SULT2B1: variants seen among roughly 807,000 people sequenced by gnomAD.
The protein encoded by SULT2B1 is sulfotransferase 2B1.
Under a neutral mutation model 33.2 loss-of-function variants are expected in SULT2B1, and 16 were observed. The observed-to-expected ratio is 0.48, with a 90% CI of 0.33 to 0.73. The LOEUF is 0.73. SULT2B1 is among the 30% of genes least tolerant of loss of function. The probability of loss-of-function intolerance (pLI) is 0.02; values close to 1 mark genes in which losing one functional copy is unlikely to be tolerated. For missense variants in SULT2B1, 500 were observed against 506.0 expected, an observed-to-expected ratio of 0.99 and a Z score of 0.11; for synonymous variants, 186 against 200.5, an observed-to-expected ratio of 0.93 and a Z score of 0.61.
chr19:48,589,044 G>A (rs931986527), intron 3 of SULT2B1, among the ~76,000 whole-genome samples: 3 of 152,218 alleles, frequency 2.0e-5, no homozygotes, highest in Middle Eastern at 3.2e-3. Context: ...GAGCCCGAGC[G>A]GGCTTAGGCT....
intron 2 of SULT2B1, among the ~76,000 whole-genome samples, chr19:48,586,976 G>A (rs1200392895): frequency 2.0e-5 from 3 of 152,056 alleles, no homozygotes; most frequent in Non-Finnish European, 2.9e-5. Context: ...CAGGCGTGGT[G>A]GTGGGCGCTT....
chr19:48,565,840 C>A (rs1215886498), intron 1 of SULT2B1, among the ~76,000 whole-genome samples: 1 of 152,056 alleles, frequency 6.6e-6, no homozygotes, highest in African/African-American at 2.4e-5. Context: ...AAGCCTCGAC[C>A]TCCCCAGCTC....
At chr19:48,590,006 T>C (rs1249149073) in intron 3 of SULT2B1, among the ~76,000 whole-genome samples, 1 of 151,762 alleles carries the variant, frequency 6.6e-6, no homozygotes, top group Non-Finnish European at 1.5e-5. Context: ...TGAGACAGAG[T>C]TTCCCTCTTG....
chr19:48,591,567 G>A lies in SULT2B1; in HGVS notation c.424-42G>A, dbSNP rs775365149. 6 of 1,585,790 alleles carry A rather than the reference G, an allele frequency of 3.8e-6. No individual in the cohort carries two copies. The African/African-American group carries it at 5.4e-5, about 14-fold the overall frequency. The stretch of plus-strand genomic sequence containing the variant: ...GGCCTCAGGGGCTGGGGTCTTGCCT[G>A]TGTCTGACGCCTTCTCCCCTCTCCT... On this transcript the variant is annotated intron_variant, in intron 3 of 6. Coordinates refer to ENST00000201586, the MANE Select transcript of SULT2B1 (RefSeq NM_177973.2).
In SULT2B1 at chr19:48,596,934, G is replaced by A. The variant is rs1225436544; in HGVS notation, c.826+15G>A. ...CCTCCGGAAAGGTGCGGGGGTTCTG[G>A]GGTTCAGAGCCCACTAGGCCACTGC... On this transcript the variant is annotated intron_variant, in intron 6 of 6. Coordinates refer to ENST00000201586, the MANE Select transcript of SULT2B1 (RefSeq NM_177973.2). The A allele has an allele frequency of 6.4e-7, 1 of 1,566,846 alleles. No homozygotes were observed. The highest frequency in any genetic ancestry group is 1.2e-5 in the South Asian group (1 of 86,830).
intron 2 of SULT2B1, among the ~76,000 whole-genome samples, chr19:48,585,731 A>G (rs1257122808): frequency 6.6e-6 from 1 of 152,144 alleles, no homozygotes; most frequent in African/African-American, 2.4e-5. Context: ...CTAATGTTAA[A>G]TGATGAGTTA....
At chr19:48,569,375 T>A (rs1453100906) in intron 1 of SULT2B1, among the ~76,000 whole-genome samples, 164 of 15,332 alleles carry the variant, frequency 0.011, 1 homozygote, top group South Asian at 0.056. Context: ...TATATATATA[T>A]ATATATATAT....
At chr19:48,576,118 A>G in intron 2 of SULT2B1, 35 bp downstream of exon 2, 1 of 1,337,382 alleles carries the variant, frequency 7.5e-7, no homozygotes, top group Non-Finnish European at 1.1e-6. Context: ...GGGGCTGGGG[A>G]GAGTGGGGAG....
intron 2 of SULT2B1, among the ~76,000 whole-genome samples, chr19:48,576,921 A>C (rs1030793946): frequency 6.6e-6 from 1 of 151,002 alleles, no homozygotes; most frequent in Admixed American, 6.6e-5. Context: ...GATTACAGGC[A>C]TGAGCCACCG....
intron 1 of SULT2B1, among the ~76,000 whole-genome samples, chr19:48,564,202 C>T: frequency 6.7e-6 from 1 of 149,564 alleles, no homozygotes; most frequent in East Asian, 2.0e-4. Context: ...GCCGAGATAG[C>T]ACCACTGCAC....
rs1238766670 is a variant in SULT2B1 at position 48,599,340 on chromosome 19, A to C, written c.1032A>C (p.Arg344Ser). The change falls in exon 7 of 7, where the codon AGA (arginine) becomes AGC (serine). Residue 344 changes from arginine (R) to serine (S), a missense_variant. Arg to Ser is a moderately radical substitution (Grantham distance 110). Transcript: ENST00000201586. This position sits in a 1 kb window ranked among gnomAD's most constrained non-coding sequence, Gnocchi z 4.1. The part of the protein sequence containing the change: ...EPNTSLEREP[R>S]PNSSPSPSPG... The stretch of plus-strand genomic sequence containing the variant: ...ACACCAGCCTGGAGCGTGAGCCCAG[A>C]CCCAACTCCAGCCCCAGCCCCAGCC... 6.3e-7 allele frequency: 1 copy of C among 1,590,804 alleles called. No individual in the cohort carries two copies. The highest frequency in any genetic ancestry group is 1.8e-5 in the Admixed American group (1 of 56,492).
chr19:48,562,181 G>A (rs2147599771), intron 1 of SULT2B1, among the ~76,000 whole-genome samples: 1 of 152,214 alleles, frequency 6.6e-6, no homozygotes, highest in East Asian at 1.9e-4. Flanking sequence ...GAGGTTAGGA[G>A]TTCAAGGCCA....
chr19:48,575,931 C>T lies in SULT2B1; in HGVS notation c.72-10C>T. On this transcript the variant is annotated splice_polypyrimidine_tract_variant and intron_variant, in intron 1 of 6. Transcript: ENST00000201586. The stretch of plus-strand genomic sequence containing the variant: ...CTCTCCCTCATGGCGTCTCCCCCAC[C>T]TTTCCACAGCCAGAAGTTGCCAGGT... The T allele has an allele frequency of 6.2e-7, 1 of 1,609,880 alleles. No individual in the cohort carries two copies. Among genetic ancestry groups the T allele is most frequent in the Non-Finnish European group, 8.5e-7 (1 of 1,176,580 alleles).
chr19:48,571,138 A>G (rs1347299860), intron 1 of SULT2B1, among the ~76,000 whole-genome samples: 1 of 151,984 alleles, frequency 6.6e-6, no homozygotes, highest in African/African-American at 2.4e-5. Context: ...TTCCCACCTC[A>G]GCTTCCTGAG....
rs191475271 is a variant in SULT2B1 at position 48,566,127 on chromosome 19, G to C, written c.72-9814G>C. 1.9e-3 allele frequency among the ~76,000 whole-genome samples: 291 copies of C among 152,102 alleles called. 1 individual carries two copies. The highest frequency in any genetic ancestry group is 2.9e-3 in the Non-Finnish European group (198 of 67,990). ...GGGTTTCACTCTGTTGGCCAGGCTG[G>C]TCTCAAACTCCTGGTGTCGAACTCC... On this transcript the variant is annotated intron_variant, in intron 1 of 6. Transcript: ENST00000201586.
At chr19:48,581,875 TTTATTATTATTATTATATTATTA>T (rs1217846144) in intron 2 of SULT2B1, among the ~76,000 whole-genome samples, 1 of 128,858 alleles carries the variant, frequency 7.8e-6, no homozygotes, top group Non-Finnish European at 1.6e-5. Flanking sequence ...CAGAGTATGT[TTTATTATTATTATTATATTATTA>T]TTATTATTAT....
intron 1 of SULT2B1, among the ~76,000 whole-genome samples, chr19:48,563,305 T>C (rs1973203458): frequency 6.6e-6 from 1 of 152,122 alleles, no homozygotes; most frequent in Non-Finnish European, 1.5e-5. Flanking sequence ...TGTTCCTAGT[T>C]ATTTGCCCAA....
chr19:48,596,805 G>A lies in SULT2B1; in HGVS notation c.712G>A (p.Gly238Ser). The A allele has an allele frequency of 6.2e-7, 1 of 1,609,854 alleles. No homozygotes were observed. Among genetic ancestry groups the A allele is most frequent in the Non-Finnish European group, 8.5e-7 (1 of 1,179,978 alleles). The change falls in exon 6 of 7, where the codon GGC becomes AGC. Residue 238 changes from glycine to serine, a missense_variant. Transcript: ENST00000201586. ...LGRPLGKEALGSVVAHSTFSA... is the reference protein window; with the variant it reads ...LGRPLGKEALSSVVAHSTFSA... The stretch of plus-strand genomic sequence containing the variant: ...CCGTCCGCTGGGCAAGGAGGCACTG[G>A]GCTCCGTCGTGGCACACTCAACCTT...
At chr19:48,567,805 A>G (rs1057409330) in intron 1 of SULT2B1, among the ~76,000 whole-genome samples, 2 of 151,828 alleles carry the variant, frequency 1.3e-5, no homozygotes, top group African/African-American at 4.8e-5. Context: ...CTCTATCTCT[A>G]CAAAAAATGT....
Sources: gnomAD v4.1 joint callset for allele counts (sites outside exome capture counted in the v4.1 genomes callset) on GRCh38, gnomAD v4.1.1 for gene constraint, Gnocchi (gnomAD v3.1) non-coding constraint, MANE v1.5 for transcripts, NCBI Gene and HGNC (gene_info 2026-07-23, HGNC 2026-07-21) for gene names.